Variants in RIT2 observed in about 807,000 individuals in gnomAD.
The protein encoded by RIT2 is GTP-binding protein Rit2.
A neutral mutation model predicts 23.7 loss-of-function variants in RIT2; 24 were observed. The ratio of observed to expected loss-of-function variants is 1.01; its 90% confidence interval spans 0.73 to 1.43. The LOEUF (loss-of-function observed/expected upper bound fraction) is 1.43, where lower values mean the gene tolerates loss of function less well. Among genes scored for constraint, RIT2 ranks in the 40% most tolerant of loss-of-function variants. The pLI is 0.00. For synonymous variants in RIT2, 107 were observed against 91.1 expected (o/e 1.17, Z -0.99); for missense variants, 236 against 266.9 (o/e 0.88, Z 0.81).
intron 1 of RIT2, among the ~76,000 whole-genome samples, chr18:43,076,140 G>A (rs746429407): frequency 1.4e-4 from 21 of 152,094 alleles, no homozygotes; most frequent in Non-Finnish European, 3.1e-4. Context: ...GGTACTTACA[G>A]CTTCACATTA....
intron 4 of RIT2, among the ~76,000 whole-genome samples, chr18:42,872,459 T>C (rs1907644143): frequency 6.6e-6 from 1 of 152,212 alleles, no homozygotes; most frequent in African/African-American, 2.4e-5. Context: ...CCTAGTCCTC[T>C]CATTGCCTGG....
intron 4 of RIT2, among the ~76,000 whole-genome samples, chr18:42,830,882 A>T (rs985816683): frequency 6.6e-6 from 1 of 152,214 alleles, no homozygotes; most frequent in East Asian, 1.9e-4. Context: ...ACTTAAAAAC[A>T]GAATCATGGG....
At chr18:42,889,735 A>G (rs1908121661) in intron 4 of RIT2, among the ~76,000 whole-genome samples, 1 of 152,128 alleles carries the variant, frequency 6.6e-6, no homozygotes, top group African/African-American at 2.4e-5. Flanking sequence ...ATTTATACAT[A>G]TAATCACAGA....
At chr18:42,877,488 A>C (rs1388291790) in intron 4 of RIT2, among the ~76,000 whole-genome samples, 3 of 150,046 alleles carry the variant, frequency 2.0e-5, no homozygotes, top group Non-Finnish European at 4.4e-5. Context: ...AATTTAAAAA[A>C]AATGCTTATC....
chr18:43,114,550 C>A (rs1914024212), intron 1 of RIT2, among the ~76,000 whole-genome samples: 1 of 151,816 alleles, frequency 6.6e-6, no homozygotes, highest in African/African-American at 2.4e-5. Context: ...AGATATATTC[C>A]CAGTGGAGAT....
At chr18:43,059,599 C>G (rs1048776888) in intron 1 of RIT2, among the ~76,000 whole-genome samples, 1 of 152,058 alleles carries the variant, frequency 6.6e-6, no homozygotes, top group Non-Finnish European at 1.5e-5. Context: ...TACCAAAGTT[C>G]CAGCACTTTT....
At position 42,940,161 on chromosome 18, in the gene RIT2, C is replaced by T. The variant is rs895210383; in HGVS notation, c.235-16398G>A. On this transcript the variant is annotated intron_variant, in intron 3 of 4. Transcript: ENST00000326695. Reference sequence around the variant, plus strand: ...TTCCTTTCCATTCATCCCCAAGGTTCAGTTTAAATGCTGCAGGTCACATCT... The same window carrying T: ...TTCCTTTCCATTCATCCCCAAGGTTTAGTTTAAATGCTGCAGGTCACATCT... Among the ~76,000 whole-genome samples, 4 of 147,246 alleles carry T rather than the reference C, an allele frequency of 2.7e-5. No homozygotes were observed. In the South Asian group the frequency reaches 6.4e-4, roughly 24 times the overall value.
At chr18:42,872,711 AT>A (rs1907650303) in intron 4 of RIT2, among the ~76,000 whole-genome samples, 1 of 152,194 alleles carries the variant, frequency 6.6e-6, no homozygotes, top group Non-Finnish European at 1.5e-5. Context: ...AAGCACTTTT[AT>A]TTTTAAATAA....
intron 2 of RIT2, among the ~76,000 whole-genome samples, chr18:42,983,292 ACC>A (rs1420664475): frequency 6.6e-6 from 1 of 152,132 alleles, no homozygotes; most frequent in Non-Finnish European, 1.5e-5. Flanking sequence ...GTGGTGTGGG[ACC>A]AACTAAAACC....
intron 4 of RIT2, among the ~76,000 whole-genome samples, chr18:42,892,506 A>G (rs568010911): frequency 6.6e-6 from 1 of 152,176 alleles, no homozygotes; most frequent in South Asian, 2.1e-4. Flanking sequence ...CTGCATTACT[A>G]AATTGTTTTG....
chr18:43,053,179 GC>G lies in RIT2; in HGVS notation c.104-19313del, dbSNP rs548163238. ...AGCTGTGTGGATTAGTTTAGGTAAT[GC>G]TGTCTAAACTATTTGTTAAGTAATT... On this transcript the variant is annotated intron_variant, in intron 1 of 4. Transcript: ENST00000326695. 1.8e-3 allele frequency among the ~76,000 whole-genome samples: 281 copies of G among 152,156 alleles called. 1 individual carries two copies. The highest frequency in any genetic ancestry group is 6.5e-3 in the African/African-American group (268 of 41,530).
At chr18:43,003,286 A>G (rs1275155545) in intron 2 of RIT2, among the ~76,000 whole-genome samples, 5 of 152,010 alleles carry the variant, frequency 3.3e-5, no homozygotes, top group Non-Finnish European at 7.4e-5. Context: ...ACAAAGAAAC[A>G]TATTTAAGAG....
Position 42,850,166 on chromosome 18 carries a change from C to A in RIT2, c.426+73406G>T, listed in dbSNP as rs1351239995. Reference sequence around the variant, plus strand: ...TTAATGAATCCATTCTGGGGCCACACAGGACATTTAGGGAAGAAAAATATC... The same window carrying A: ...TTAATGAATCCATTCTGGGGCCACAAAGGACATTTAGGGAAGAAAAATATC... On this transcript the variant is annotated intron_variant, in intron 4 of 4. Coordinates refer to ENST00000326695, the MANE Select transcript of RIT2 (RefSeq NM_002930.4). Among the ~76,000 whole-genome samples the A allele has an allele frequency of 4.0e-5, 6 of 151,774 alleles. No individual in the cohort carries two copies. The South Asian group carries it at 1.2e-3, about 32-fold the overall frequency.
intron 4 of RIT2, among the ~76,000 whole-genome samples, chr18:42,879,096 T>C (rs1907820817): frequency 6.6e-6 from 1 of 152,158 alleles, no homozygotes; most frequent in Non-Finnish European, 1.5e-5. Context: ...ACCAAGTCGA[T>C]CTTTTTAAAG....
intron 1 of RIT2, among the ~76,000 whole-genome samples, chr18:43,073,251 G>A (rs1235907183): frequency 6.6e-6 from 1 of 152,154 alleles, no homozygotes; most frequent in Non-Finnish European, 1.5e-5. Context: ...ACCCTCTGAA[G>A]ATTCCTCCAC....
At chr18:43,033,699 C>T in intron 2 of RIT2, 112 bp downstream of exon 2, 2 of 751,710 alleles carry the variant, frequency 2.7e-6, no homozygotes, top group African/African-American at 1.8e-5. Flanking sequence ...TGTATGTGTT[C>T]TGGGTCATAG....
At chr18:42,850,952 G>A (rs1242999189) in intron 4 of RIT2, among the ~76,000 whole-genome samples, 1 of 152,120 alleles carries the variant, frequency 6.6e-6, no homozygotes. Flanking sequence ...ATAATTCCCA[G>A]AGGCCGGGAA....
chr18:42,759,261 C>T (rs1913240194), intron 4 of RIT2, among the ~76,000 whole-genome samples: 1 of 152,140 alleles, frequency 6.6e-6, no homozygotes, highest in Non-Finnish European at 1.5e-5. Flanking sequence ...ACTTACTGCA[C>T]ATTCCTCCAT....
chr18:42,811,527 G>A lies in RIT2; in HGVS notation c.427-67807C>T, dbSNP rs895302571. On this transcript the variant is annotated intron_variant, in intron 4 of 4. Transcript: ENST00000326695. ...TCCAAAACTTACATACAGTCAAATG[G>A]TTGAACTCCATATTTAGCTTCCTTA... 2.6e-5 allele frequency among the ~76,000 whole-genome samples: 4 copies of A among 152,022 alleles called. No individual in the cohort carries two copies. In the East Asian group the frequency reaches 7.7e-4, roughly 29 times the overall value.
Sources: gnomAD v4.1 joint callset for allele counts (sites outside exome capture counted in the v4.1 genomes callset) on GRCh38, gnomAD v4.1.1 for gene constraint, MANE v1.5 for transcripts, NCBI Gene and HGNC (gene_info 2026-07-23, HGNC 2026-07-21) for gene names.